The following TMEM63B variants were observed in gnomAD, a reference collection of about 807,000 sequenced individuals.
TMEM63B encodes the protein transmembrane protein 63B.
TMEM63B carries 23 observed loss-of-function variants against 102.6 expected under a neutral mutation model. The ratio of observed to expected loss-of-function variants is 0.22; its 90% CI spans 0.16 to 0.32. The LOEUF (loss-of-function observed/expected upper bound fraction) is 0.32. TMEM63B is among the 10% of genes least tolerant of loss of function. The pLI, the probability that TMEM63B is intolerant of heterozygous loss-of-function variation, is 1.00. For synonymous variants in TMEM63B, 444 were observed against 437.0 expected (o/e 1.02, Z -0.20); for missense variants, 628 against 1,095.9 (o/e 0.57, Z 6.03).
chr6:44,129,138 C>T (rs929959072), intron 1 of TMEM63B, among the ~76,000 whole-genome samples: 6 of 152,022 alleles, frequency 3.9e-5, no homozygotes, highest in Admixed American at 1.3e-4. Flanking sequence ...GAGACTGAGG[C>T]GGACAGATCA....
chr6:44,129,718 T>TA (rs1777917805), intron 1 of TMEM63B, among the ~76,000 whole-genome samples: 2 of 152,232 alleles, frequency 1.3e-5, no homozygotes, highest in Non-Finnish European at 2.9e-5. Flanking sequence ...TCTGTGTTTT[T>TA]ATCTTATTTT....
Position 44,148,661 on chromosome 6 carries a change from A to G in TMEM63B, c.1259+11A>G, listed in dbSNP as rs760334748. 26 of 1,613,380 alleles carry G rather than the reference A, an allele frequency of 1.6e-5. No individual in the cohort carries two copies. In the Admixed American group the frequency reaches 4.3e-4, roughly 27 times the overall value. On this transcript the variant is annotated intron_variant, in intron 14 of 23. Coordinates refer to ENST00000323267, the MANE Select transcript of TMEM63B (RefSeq NM_018426.3). The surrounding 1 kb of genome is among the most constrained non-coding windows in gnomAD (Gnocchi z 5.1). ...TCAGAACATCTACTGGTGAGCAAACAGGTGTCAGGGCAGGCTTTCCAGGGC... is the reference window on the plus strand; with the variant it reads ...TCAGAACATCTACTGGTGAGCAAACGGGTGTCAGGGCAGGCTTTCCAGGGC...
Position 44,148,738 on chromosome 6 carries a change from TG to T in TMEM63B, c.1260-49del, listed in dbSNP as rs1439125193. 3 of 1,611,426 alleles carry T rather than the reference TG, an allele frequency of 1.9e-6. No homozygotes were observed. In the African/African-American group the frequency reaches 4.0e-5, roughly 21 times the overall value. ...AGGAGAGGGAGTGTCTTGGTGTCAC[TG>T]GGGGCCAATCCTGCCCTTGGTTCCT... On this transcript the variant is annotated intron_variant, in intron 14 of 23. Coordinates refer to ENST00000323267, the MANE Select transcript of TMEM63B (RefSeq NM_018426.3). This position sits in a 1 kb window ranked among gnomAD's most constrained non-coding sequence, Gnocchi z 5.1.
intron 10 of TMEM63B, 57 bp downstream of exon 10, chr6:44,141,155 T>A: frequency 6.6e-7 from 1 of 1,525,510 alleles, no homozygotes; most frequent in Non-Finnish European, 9.1e-7. Context: ...CTTCTCTGCC[T>A]TTGAACTCTA....
chr6:44,152,074 C>G lies in TMEM63B; in HGVS notation c.1836+66C>G. Reference sequence around the variant, plus strand: ...CTGGTGGCCCAACAAGAAACAGCAGCCATCGCGCTAGGGTTGAGGGGCACA... The same window carrying G: ...CTGGTGGCCCAACAAGAAACAGCAGGCATCGCGCTAGGGTTGAGGGGCACA... On this transcript the variant is annotated intron_variant, in intron 19 of 23. Transcript: ENST00000323267. This position sits in a 1 kb window ranked among gnomAD's most constrained non-coding sequence, Gnocchi z 6.4. The G allele has an allele frequency of 1.1e-5, 16 of 1,513,480 alleles. No homozygotes were observed. In the South Asian group the frequency reaches 1.9e-4, roughly 18 times the overall value. 93.8% of individuals were successfully genotyped at this position (1,513,480 alleles called of 1,614,324 possible). A position where few individuals can be genotyped will look rare whatever the true frequency, so the allele number is the denominator to read the frequency against.
chr6:44,131,982 T>G (rs1562113016), intron 1 of TMEM63B, among the ~76,000 whole-genome samples: 3 of 152,198 alleles, frequency 2.0e-5, no homozygotes, highest in Non-Finnish European at 2.9e-5. Flanking sequence ...TCTTCTCAGT[T>G]GCTCAGCCCA....
Position 44,154,389 on chromosome 6 carries a change from G to A in TMEM63B, c.2251G>A (p.Val751Met), listed in dbSNP as rs781017342. ...YKIEHTETDT[V>M]DPRSNGRPPT... ...GATTGAGCACACGGAGACAGATACT[G>A]TGGACCCCAGAAGCAATGGACGGCC... The change falls in exon 23 of 24, where the codon GTG (valine) becomes ATG (methionine). Residue 751 changes from valine (V) to methionine (M), a missense_variant. Physicochemically the swap from Val to Met is conservative, Grantham distance 21. Transcript: ENST00000323267. 7 of 1,614,012 alleles carry A rather than the reference G, an allele frequency of 4.3e-6. No individual in the cohort carries two copies. The highest frequency in any genetic ancestry group is 5.9e-6 in the Non-Finnish European group (7 of 1,179,960).
rs559434342 is a variant in TMEM63B, at chr6:44,152,710, C to T, written c.1942+12C>T. Reference sequence around the variant, plus strand: ...CATCGTGCCCTTCGGTAGGCACCGCCGCGCCGGGACCTGGGCCCTGCTCGG... The same window carrying T: ...CATCGTGCCCTTCGGTAGGCACCGCTGCGCCGGGACCTGGGCCCTGCTCGG... On this transcript the variant is annotated intron_variant, in intron 20 of 23. Transcript: ENST00000323267. The surrounding 1 kb of genome is among the most constrained non-coding windows in gnomAD (Gnocchi z 6.4). 3.1e-6 allele frequency: 5 copies of T among 1,599,602 alleles called. No individual in the cohort carries two copies. Among genetic ancestry groups the T allele is most frequent in the South Asian group, 1.1e-5 (1 of 90,934 alleles).
In TMEM63B at chr6:44,153,544, C is replaced by T. The variant is rs189009723; in HGVS notation, c.1943-132C>T. On this transcript the variant is annotated intron_variant, in intron 20 of 23. Coordinates refer to ENST00000323267, the MANE Select transcript of TMEM63B (RefSeq NM_018426.3). ...ATCACGCTGGGGCACGGGGCACTAT[C>T]CCGTCCTGGGGCCCGGGCAGGAGGA... is the stretch of plus-strand genomic sequence containing the variant. 392 of 1,009,260 alleles carry T rather than the reference C, an allele frequency of 3.9e-4. 3 individuals are homozygous for T. In the Admixed American group the frequency reaches 7.9e-3, roughly 20 times the overall value. The allele number at this position is 1,009,260 out of a possible 1,614,324, so 62.5% of individuals were successfully genotyped here. A position where few individuals can be genotyped will look rare whatever the true frequency, so the allele number is the denominator to read the frequency against.
At chr6:44,128,242 C>T (rs1014602180) in intron 1 of TMEM63B, among the ~76,000 whole-genome samples, 3 of 152,210 alleles carry the variant, frequency 2.0e-5, no homozygotes, top group Admixed American at 1.3e-4. Flanking sequence ...CCGGCCGCTG[C>T]CCCCGGCTCT....
At chr6:44,131,948 G>A (rs1017219091) in intron 1 of TMEM63B, among the ~76,000 whole-genome samples, 1 of 152,218 alleles carries the variant, frequency 6.6e-6, no homozygotes, top group Non-Finnish European at 1.5e-5. Context: ...CCATCCCCAA[G>A]GTATTCTGCC....
intron 20 of TMEM63B, among the ~76,000 whole-genome samples, chr6:44,153,324 C>T (rs746136309): frequency 6.6e-6 from 1 of 152,220 alleles, no homozygotes; most frequent in Non-Finnish European, 1.5e-5. Context: ...ATTAGAAACT[C>T]CCTATCCCTC....
Position 44,150,457 on chromosome 6 carries a change from C to G in TMEM63B, c.1608-107C>G. 1 of 1,486,140 alleles carries G rather than the reference C, an allele frequency of 6.7e-7. No homozygotes were observed. The highest frequency in any genetic ancestry group is 9.4e-7 in the Non-Finnish European group (1 of 1,068,094). 92.1% of individuals were successfully genotyped at this position (1,486,140 alleles called of 1,614,324 possible). ...CCCCCAGGCCTCCTGAGCTACCCACCCCATGTCTGGGAGTCTCCCCAGTGG... is the reference window on the plus strand; with the variant it reads ...CCCCCAGGCCTCCTGAGCTACCCACGCCATGTCTGGGAGTCTCCCCAGTGG... On this transcript the variant is annotated intron_variant, in intron 17 of 23. Coordinates refer to ENST00000323267, the MANE Select transcript of TMEM63B (RefSeq NM_018426.3). This position sits in a 1 kb window ranked among gnomAD's most constrained non-coding sequence, Gnocchi z 4.7.
At chr6:44,154,210 C>G in intron 22 of TMEM63B, 22 bp downstream of exon 22, 1 of 1,609,946 alleles carries the variant, frequency 6.2e-7, no homozygotes. Flanking sequence ...GGGTGGCAGG[C>G]GGATGGCTGC....
chr6:44,148,410 C>T lies in TMEM63B; in HGVS notation c.1121+25C>T, dbSNP rs1455642463. 6 of 1,614,074 alleles carry T rather than the reference C, an allele frequency of 3.7e-6. No individual in the cohort carries two copies. The Admixed American group carries it at 6.7e-5, about 18-fold the overall frequency. ...TGTGAGTCCCCAACTCGGCCCTCGGCCCTGAGCAGCCCTCCAGGGCTCCCT... is the reference window on the plus strand; with the variant it reads ...TGTGAGTCCCCAACTCGGCCCTCGGTCCTGAGCAGCCCTCCAGGGCTCCCT... On this transcript the variant is annotated intron_variant, in intron 13 of 23. Transcript: ENST00000323267. This position sits in a 1 kb window ranked among gnomAD's most constrained non-coding sequence, Gnocchi z 5.1.
chr6:44,151,846 G>T lies in TMEM63B; in HGVS notation c.1674G>T (p.Glu558Asp). ...KFLAEAAIRF[E>D]CVFLPDNGAF... The stretch of plus-strand genomic sequence containing the variant: ...GTGCTGGAGCACCTGGTGCCCGCAG[G>T]TGTGTGTTCCTGCCCGACAACGGCG... Residue 558 changes from glutamate to aspartate, a missense_variant and splice_region_variant, in exon 19 of 24, where the codon GAG becomes GAT. By Grantham distance (45) the Glu-to-Asp change is conservative. Around this residue, in one of 6 missense-constraint regions of TMEM63B, gnomAD observed 61 missense variants for 176.0 expected, o/e 0.35. Coordinates refer to ENST00000323267, the MANE Select transcript of TMEM63B (RefSeq NM_018426.3). 6.2e-7 allele frequency: 1 copy of T among 1,608,078 alleles called. No individual in the cohort carries two copies. Among genetic ancestry groups the T allele is most frequent in the Non-Finnish European group, 8.5e-7 (1 of 1,177,488 alleles).
At chr6:44,147,000 A>T in intron 11 of TMEM63B, 73 bp downstream of exon 11, 1 of 1,504,056 alleles carries the variant, frequency 6.6e-7, no homozygotes, top group Non-Finnish European at 9.2e-7. Context: ...TGGCTACCAC[A>T]CAGGCTCCCC....
In TMEM63B at chr6:44,150,324, G is replaced by T; in HGVS notation, c.1607+14G>T. 5.0e-6 allele frequency: 8 copies of T among 1,611,934 alleles called. No individual in the cohort carries two copies. Among genetic ancestry groups the T allele is most frequent in the Non-Finnish European group, 6.8e-6 (8 of 1,178,126 alleles). On this transcript the variant is annotated intron_variant, in intron 17 of 23. Coordinates refer to ENST00000323267, the MANE Select transcript of TMEM63B (RefSeq NM_018426.3). The surrounding 1 kb of genome is among the most constrained non-coding windows in gnomAD (Gnocchi z 4.7). ...GGGACTGAGCAGGTGAGTTGAGAAG[G>T]ATGGGGCAGGAGCCAGGGTAGGGGG...
At chr6:44,144,467 G>GTATCTCAAGGA (rs750526159) in intron 10 of TMEM63B, among the ~76,000 whole-genome samples, 3 of 152,072 alleles carry the variant, frequency 2.0e-5, no homozygotes, top group Non-Finnish European at 2.9e-5. Flanking sequence ...CTCCTGGGAA[G>GTATCTCAAGGA]TACATCTCAA....
Sources: gnomAD v4.1 joint callset for allele counts (sites outside exome capture counted in the v4.1 genomes callset) on GRCh38, gnomAD v4.1.1 for gene constraint, gnomAD v4.1.1 regional missense constraint, Gnocchi (gnomAD v3.1) non-coding constraint, MANE v1.5 for transcripts, NCBI Gene and HGNC (gene_info 2026-07-23, HGNC 2026-07-21) for gene names.